The following SORCS2 variants were observed in gnomAD, a reference collection of about 807,000 sequenced individuals.
The protein encoded by SORCS2 is VPS10 domain-containing receptor SorCS2.
SORCS2 carries 100 observed loss-of-function variants against 141.6 expected under a neutral mutation model. The observed-to-expected ratio is 0.71, with a 90% confidence interval of 0.60 to 0.83. The LOEUF is 0.83. SORCS2 is among the 40% of genes least tolerant of loss of function. SORCS2 has a pLI of 0.00. For synonymous variants in SORCS2, 789 were observed against 676.9 expected (o/e 1.17, Z -2.57); for missense variants, 1,646 against 1,560.2 (o/e 1.05, Z -0.93).
chr4:7,695,743 GAT>G (rs1364341151), intron 11 of SORCS2, among the ~76,000 whole-genome samples: 676 of 15,362 alleles, frequency 0.044, 243 homozygotes, highest in Non-Finnish European at 0.058. Context: ...TTGGTGGGTG[GAT>G]GGATGGATGG....
intron 2 of SORCS2, among the ~76,000 whole-genome samples, chr4:7,401,236 T>C (rs564979976): frequency 9.2e-5 from 14 of 151,942 alleles, no homozygotes; most frequent in Admixed American, 9.2e-4. Flanking sequence ...GATGGATGGA[T>C]GGACAGATGA....
intron 1 of SORCS2, among the ~76,000 whole-genome samples, chr4:7,228,611 G>C (rs993307688): frequency 3.3e-5 from 5 of 152,210 alleles, no homozygotes; most frequent in African/African-American, 1.2e-4. Flanking sequence ...GCATGGTGAG[G>C]AGTGGAGAAG....
At position 7,661,885 on chromosome 4, in the gene SORCS2, C is replaced by T. The variant is rs185532598; in HGVS notation, c.952+321C>T. On this transcript the variant is annotated intron_variant, in intron 6 of 26. Transcript: ENST00000507866. ...GAGGTGGGGGGCGGGGGTGGGGGCA[C>T]GGGTGTGCACACCGGACCCAGCCAA... Among the ~76,000 whole-genome samples the T allele has an allele frequency of 2.7e-3, 413 of 152,178 alleles. 1 individual carries two copies. Among genetic ancestry groups the T allele is most frequent in the African/African-American group, 9.2e-3 (381 of 41,542 alleles).
At chr4:7,448,007 G>A (rs1728109604) in intron 2 of SORCS2, among the ~76,000 whole-genome samples, 1 of 152,174 alleles carries the variant, frequency 6.6e-6, no homozygotes, top group Non-Finnish European at 1.5e-5. Context: ...TGCCGGCCTT[G>A]AATGTGTATG....
chr4:7,653,264 G>A (rs1721551174), intron 4 of SORCS2, among the ~76,000 whole-genome samples: 1 of 151,974 alleles, frequency 6.6e-6, no homozygotes, highest in Admixed American at 6.5e-5. Flanking sequence ...TTTTTTTCAG[G>A]TGGAGTTTTG....
chr4:7,450,122 C>A (rs966980998), intron 2 of SORCS2, among the ~76,000 whole-genome samples: 1 of 152,224 alleles, frequency 6.6e-6, no homozygotes, highest in African/African-American at 2.4e-5. Flanking sequence ...GCTCTGCAGA[C>A]TGCATGTGGC....
intron 1 of SORCS2, among the ~76,000 whole-genome samples, chr4:7,228,030 G>A (rs998695733): frequency 5.3e-5 from 8 of 152,202 alleles, no homozygotes; most frequent in African/African-American, 1.9e-4. Flanking sequence ...TGGCCACAGT[G>A]TCCTTTGCCT....
intron 2 of SORCS2, 33 bp downstream of exon 2, chr4:7,396,388 T>A: frequency 6.2e-7 from 1 of 1,606,576 alleles, no homozygotes; most frequent in Non-Finnish European, 8.5e-7. Flanking sequence ...CTTTCTCTTA[T>A]GCACCTGCGT....
At chr4:7,436,476 C>T (rs1445959036) in intron 2 of SORCS2, among the ~76,000 whole-genome samples, 2 of 152,246 alleles carry the variant, frequency 1.3e-5, no homozygotes, top group African/African-American at 4.8e-5. Flanking sequence ...AGACCCCACC[C>T]CCACGGCGCT....
At chr4:7,339,997 C>T (rs948528398) in intron 1 of SORCS2, among the ~76,000 whole-genome samples, 22 of 152,184 alleles carry the variant, frequency 1.4e-4, no homozygotes, top group African/African-American at 5.3e-4. Context: ...AGGCTGGGGG[C>T]TTGTCCGGGG....
At chr4:7,609,005 T>C (rs528426843) in intron 3 of SORCS2, among the ~76,000 whole-genome samples, 1 of 151,950 alleles carries the variant, frequency 6.6e-6, no homozygotes, top group South Asian at 2.1e-4. Flanking sequence ...CAGTGGACAA[T>C]AGGGGTGAAC....
intron 3 of SORCS2, among the ~76,000 whole-genome samples, chr4:7,616,203 C>A (rs566262978): frequency 1.3e-5 from 2 of 152,240 alleles, no homozygotes; most frequent in Admixed American, 6.5e-5. Context: ...AAATAATTAC[C>A]TTCATCTGGA....
chr4:7,696,539 T>C (rs568547052), intron 11 of SORCS2, among the ~76,000 whole-genome samples: 30 of 152,286 alleles, frequency 2.0e-4, no homozygotes, highest in Admixed American at 7.8e-4. Context: ...CCATGAGTTC[T>C]TCCCATTCTG....
chr4:7,295,437 C>G (rs930443657), intron 1 of SORCS2, among the ~76,000 whole-genome samples: 1 of 152,018 alleles, frequency 6.6e-6, no homozygotes, highest in Non-Finnish European at 1.5e-5. Context: ...GAGCCCCTGG[C>G]TTGGTGCCCT....
intron 2 of SORCS2, among the ~76,000 whole-genome samples, chr4:7,404,255 C>T (rs141407566): frequency 1.3e-3 from 200 of 152,090 alleles, no homozygotes; most frequent in African/African-American, 4.6e-3. Context: ...TTGATAGACA[C>T]TTGAGTTGAT....
intron 3 of SORCS2, among the ~76,000 whole-genome samples, chr4:7,595,005 A>G (rs993462343): frequency 2.0e-5 from 3 of 152,098 alleles, no homozygotes; most frequent in Non-Finnish European, 4.4e-5. Flanking sequence ...TTCTGACACC[A>G]TCCACCTTGA....
At chr4:7,370,023 A>G (rs993333599) in intron 1 of SORCS2, among the ~76,000 whole-genome samples, 1 of 152,254 alleles carries the variant, frequency 6.6e-6, no homozygotes, top group Non-Finnish European at 1.5e-5. Flanking sequence ...AGAGATAAGA[A>G]GAAGCAGCCA....
At chr4:7,706,870 T>C (rs1560499399) in intron 14 of SORCS2, among the ~76,000 whole-genome samples, 2 of 152,214 alleles carry the variant, frequency 1.3e-5, no homozygotes, top group African/African-American at 4.8e-5. Flanking sequence ...CCCTCGTTTG[T>C]TGGGGAGGTT....
Position 7,201,176 on chromosome 4 carries a change from G to T in SORCS2, c.480+8050G>T, listed in dbSNP as rs746210083. Reference sequence around the variant, plus strand: ...TGCTCTGCAGGATGAGTAGAGTCCCGGGCTGAGGAGGAGGTTGGAATGGTG... The same window carrying T: ...TGCTCTGCAGGATGAGTAGAGTCCCTGGCTGAGGAGGAGGTTGGAATGGTG... On this transcript the variant is annotated intron_variant, in intron 1 of 26. Coordinates refer to ENST00000507866, the MANE Select transcript of SORCS2 (RefSeq NM_020777.3). This position sits in a 1 kb window ranked among gnomAD's most constrained non-coding sequence, Gnocchi z 4.4. Among the ~76,000 whole-genome samples, 2 of 152,188 alleles carry T rather than the reference G, an allele frequency of 1.3e-5. No individual in the cohort carries two copies. The highest frequency in any genetic ancestry group is 4.1e-4 in the South Asian group (2 of 4,826).
Sources: gnomAD v4.1 joint callset for allele counts (sites outside exome capture counted in the v4.1 genomes callset) on GRCh38, gnomAD v4.1.1 for gene constraint, Gnocchi (gnomAD v3.1) non-coding constraint, MANE v1.5 for transcripts, NCBI Gene and HGNC (gene_info 2026-07-23, HGNC 2026-07-21) for gene names.